Variants in PCDHAC2 observed in about 807,000 individuals in gnomAD.
PCDHAC2 encodes the protein protocadherin alpha-C2.
In PCDHAC2, 24 loss-of-function variants were observed where a neutral mutation model predicts 63.3. The ratio of observed to expected loss-of-function variants is 0.38; its 90% confidence interval spans 0.27 to 0.53. The LOEUF (loss-of-function observed/expected upper bound fraction) is 0.53. PCDHAC2 is among the 20% of genes least tolerant of loss of function. The pLI, the probability that PCDHAC2 is intolerant of heterozygous loss-of-function variation, is 0.81. For missense variants in PCDHAC2, 1,181 were observed against 1,275.2 expected (o/e 0.93, Z 1.12); for synonymous variants, 569 against 529.4 (o/e 1.07, Z -1.03).
intron 3 of PCDHAC2, among the ~76,000 whole-genome samples, chr5:141,006,540 A>T (rs868906531): frequency 1.6e-4 from 25 of 152,182 alleles, no homozygotes; most frequent in Admixed American, 3.3e-4. Context: ...AAAGAGAGAC[A>T]TTAAGAAATA....
Position 141,010,037 on chromosome 5 carries a change from C to A in PCDHAC2, c.*100C>A. The A allele has an allele frequency of 1.3e-6, 2 of 1,582,242 alleles. No individual in the cohort carries two copies. The highest frequency in any genetic ancestry group is 1.2e-5 in the South Asian group (1 of 84,630). On this transcript the variant is annotated 3_prime_UTR_variant, in exon 4 of 4. Transcript: ENST00000289269. ...GCTCCTTTTTCCTATCTACATGAGC[C>A]CTCTTAGAGACCTCAGAAATCTGCA...
At chr5:141,009,488 C>T (rs2098409682) in intron 3 of PCDHAC2, 139 bp from the exon 4 acceptor site, 4 of 1,469,622 alleles carry the variant, frequency 2.7e-6, no homozygotes, top group Non-Finnish European at 3.6e-6. Context: ...CTTGCCTTGC[C>T]CTCAGACTTG....
chr5:140,997,559 T>A (rs550494855), intron 3 of PCDHAC2, among the ~76,000 whole-genome samples: 2 of 152,148 alleles, frequency 1.3e-5, no homozygotes, highest in South Asian at 4.1e-4. Flanking sequence ...ACAGGACAAC[T>A]GTCATATGTG....
intron 1 of PCDHAC2, among the ~76,000 whole-genome samples, chr5:140,978,710 A>G (rs576055391): frequency 1.3e-5 from 2 of 152,378 alleles, no homozygotes; most frequent in East Asian, 3.9e-4. Flanking sequence ...GGTGGCCTTT[A>G]CAAGATTATT....
Position 140,967,030 on chromosome 5 carries a change from C to T in PCDHAC2, c.264C>T (p.Arg88=). The part of the protein sequence containing the change: ...RINHLGAPSP[R]YLELDLTSGA... ...ACCATCTGGGTGCGCCCAGTCCGCG[C>T]TACCTGGAGCTGGACCTGACGAGTG... The change falls in exon 1 of 4, where the codon CGC becomes CGT. Residue 88 remains arginine, a synonymous_variant. Coordinates refer to ENST00000289269, the MANE Select transcript of PCDHAC2 (RefSeq NM_018899.6). The T allele has an allele frequency of 6.2e-7, 1 of 1,609,320 alleles. No homozygotes were observed. The highest frequency in any genetic ancestry group is 8.5e-7 in the Non-Finnish European group (1 of 1,178,114).
intron 3 of PCDHAC2, among the ~76,000 whole-genome samples, chr5:141,001,404 T>A (rs965496882): frequency 1.3e-4 from 20 of 152,072 alleles, no homozygotes; most frequent in African/African-American, 4.8e-4. Context: ...GAACAGGGAG[T>A]ATATTTTTAC....
At chr5:140,973,946 G>A (rs566831681) in intron 1 of PCDHAC2, among the ~76,000 whole-genome samples, 45 of 152,304 alleles carry the variant, frequency 3.0e-4, no homozygotes, top group Non-Finnish European at 1.5e-4. Flanking sequence ...GAATATGATG[G>A]CATTTTACAG....
At chr5:140,978,827 G>T (rs2096825118) in intron 1 of PCDHAC2, 122 bp from the exon 2 acceptor site, 2 of 1,528,744 alleles carry the variant, frequency 1.3e-6, no homozygotes, top group Admixed American at 2.0e-5. Flanking sequence ...ACATGAAATG[G>T]CTCATTCAAT....
At chr5:140,985,138 C>T (rs972329850) in intron 3 of PCDHAC2, among the ~76,000 whole-genome samples, 3 of 152,016 alleles carry the variant, frequency 2.0e-5, no homozygotes, top group Non-Finnish European at 2.9e-5. Flanking sequence ...GGGGTTTCAC[C>T]GTGTTAGCCA....
intron 3 of PCDHAC2, among the ~76,000 whole-genome samples, chr5:141,007,395 CAAA>C (rs35800918): frequency 0.057 from 5,421 of 94,854 alleles, 127 homozygotes; most frequent in South Asian, 0.13. Context: ...TACTAAAATA[CAAA>C]AAAAAAAAAA....
chr5:140,976,505 C>A (rs538128648), intron 1 of PCDHAC2, among the ~76,000 whole-genome samples: 1 of 152,004 alleles, frequency 6.6e-6, no homozygotes, highest in Non-Finnish European at 1.5e-5. Flanking sequence ...GAGCCAAGAT[C>A]GCGCCACTGC....
chr5:140,969,907 G>A (rs2096367708), intron 1 of PCDHAC2, among the ~76,000 whole-genome samples: 1 of 152,204 alleles, frequency 6.6e-6, no homozygotes, highest in Non-Finnish European at 1.5e-5. Context: ...CATGTCACAA[G>A]TGATAAAGCT....
intron 3 of PCDHAC2, among the ~76,000 whole-genome samples, chr5:140,997,668 T>TTGTGTG (rs35184029): frequency 3.8e-4 from 56 of 148,342 alleles, no homozygotes; most frequent in African/African-American, 8.5e-4. Context: ...ATTATACAGC[T>TTGTGTG]TGTGTGTGTG....
Position 140,967,794 on chromosome 5 carries a change from T to G in PCDHAC2, c.1028T>G (p.Val343Gly). Residue 343 changes from valine (V) to glycine (G), a missense_variant, in exon 1 of 4, where the codon GTG becomes GGG. Physicochemically the swap from Val to Gly is moderately radical, Grantham distance 109 (BLOSUM62 -3). Coordinates refer to ENST00000289269, the MANE Select transcript of PCDHAC2 (RefSeq NM_018899.6). Reference sequence around the variant, plus strand: ...GTGCAGGCGACTGACCGGGGTCCAGTGCCCATGGCAGGTCACTGCAAGGTG... The same window carrying G: ...GTGCAGGCGACTGACCGGGGTCCAGGGCCCATGGCAGGTCACTGCAAGGTG... ...IYVQATDRGP[V>G]PMAGHCKVLV... 6.2e-7 allele frequency: 1 copy of G among 1,614,178 alleles called. No individual in the cohort carries two copies.
intron 3 of PCDHAC2, among the ~76,000 whole-genome samples, chr5:140,996,315 G>A (rs2097722113): frequency 6.6e-6 from 1 of 152,188 alleles, no homozygotes; most frequent in African/African-American, 2.4e-5. Flanking sequence ...AGTAAGGGGG[G>A]AGGGTAGAGA....
chr5:140,972,201 G>A (rs1554233905), intron 1 of PCDHAC2, among the ~76,000 whole-genome samples: 1 of 152,058 alleles, frequency 6.6e-6, no homozygotes, highest in African/African-American at 2.4e-5. Flanking sequence ...GAGTATAGGT[G>A]TGAATATGGC....
At chr5:140,997,399 C>T (rs1453624678) in intron 3 of PCDHAC2, among the ~76,000 whole-genome samples, 1 of 152,118 alleles carries the variant, frequency 6.6e-6, no homozygotes, top group Non-Finnish European at 1.5e-5. Flanking sequence ...TAGGCTCTAT[C>T]GTATGGCCTA....
intron 3 of PCDHAC2, among the ~76,000 whole-genome samples, chr5:140,994,538 A>G (rs1554254218): frequency 1.8e-5 from 2 of 111,930 alleles, no homozygotes; most frequent in African/African-American, 9.1e-5. Context: ...CCCCATCTCT[A>G]CAAAAAAAAT....
At chr5:141,000,609 G>A (rs2097951405) in intron 3 of PCDHAC2, among the ~76,000 whole-genome samples, 1 of 150,600 alleles carries the variant, frequency 6.6e-6, no homozygotes. Context: ...TGTATTTTTA[G>A]TAGAGACAGG....
Sources: allele counts gnomAD v4.1 joint callset (sites outside exome capture counted in the v4.1 genomes callset), GRCh38; gene constraint gnomAD v4.1.1; transcripts MANE v1.5; gene names NCBI Gene and HGNC (gene_info 2026-07-23, HGNC 2026-07-21).